THBS4: variants seen among roughly 807,000 people sequenced by gnomAD.
THBS4 encodes the protein thrombospondin-4.
THBS4 carries 90 observed loss-of-function variants against 115.7 expected under a neutral mutation model. That is an observed-to-expected ratio of 0.78 (90% CI 0.66 to 0.93). THBS4 has a LOEUF of 0.93. Among genes scored for constraint, THBS4 ranks in the 40% least tolerant of loss-of-function variants. THBS4 has a pLI of 0.00. For synonymous variants in THBS4, 460 were observed against 479.3 expected, an observed-to-expected ratio of 0.96 and a Z score of 0.53; for missense variants, 1,087 against 1,232.7, an observed-to-expected ratio of 0.88 and a Z score of 1.77.
Position 80,013,752 on chromosome 5 carries a change from C to T in THBS4, n.177+15325C>T, listed in dbSNP as rs970987748. ...AGAGTCTGTATCCCCTCTAAGACTT[C>T]ATCTCCTCGTTTGTAAAATAGAGAT... is the stretch of plus-strand genomic sequence containing the variant. On this transcript the variant is annotated intron_variant and non_coding_transcript_variant, in intron 2 of 3. Coordinates refer to the THBS4 transcript ENST00000510218. 7.2e-5 allele frequency among the ~76,000 whole-genome samples: 11 copies of T among 152,318 alleles called. No homozygotes were observed. The East Asian group carries it at 2.1e-3, about 29-fold the overall frequency.
rs1833904168 is a variant in THBS4, at chr5:80,068,144, TC to T, written c.1347+21del. 6.2e-7 allele frequency: 1 copy of T among 1,612,432 alleles called. No individual in the cohort carries two copies. Among genetic ancestry groups the T allele is most frequent in the East Asian group, 2.2e-5 (1 of 44,874 alleles). ...ATGTGTGGTAAGTTGTTTTTTGACT[TC>T]CTCTATCATTTTTCCTCTTCCATTT... On this transcript the variant is annotated intron_variant, in intron 10 of 21. Coordinates refer to ENST00000350881, the MANE Select transcript of THBS4 (RefSeq NM_003248.6).
At chr5:80,040,003 C>T (rs1832841484) in intron 1 of THBS4, 74 bp from the exon 2 acceptor site, 1 of 1,347,686 alleles carries the variant, frequency 7.4e-7, no homozygotes. Flanking sequence ...ATTGCACCCC[C>T]CCCAAACAAA....
intron 20 of THBS4, chr5:80,082,060 C>T (rs951760256): frequency 5.5e-5 from 12 of 217,852 alleles, no homozygotes; most frequent in Non-Finnish European, 9.9e-5. Flanking sequence ...AGACACAAAA[C>T]TTTCTCACTC....
Position 80,061,832 on chromosome 5 carries a change from G to C in THBS4, c.1125G>C (p.Gln375His), listed in dbSNP as rs1833649229. ...VGISFAKSNKQVCTDIDECRN... is the reference protein window; with the variant it reads ...VGISFAKSNKHVCTDIDECRN... The stretch of plus-strand genomic sequence containing the variant: ...TCAGTTTTGCCAAGTCAAACAAGCA[G>C]GTAGGCTGAAGTCATGGTTTCTATT... The change falls in exon 8 of 22, where the codon CAG becomes CAC. Residue 375 changes from glutamine to histidine, a missense_variant and splice_region_variant. By Grantham distance (24) the Gln-to-His change is conservative (BLOSUM62 0). This residue lies in a region of THBS4 where 979 missense variants were observed against 1,103.7 expected (regional missense o/e 0.89). Transcript: ENST00000350881. The C allele has an allele frequency of 1.9e-6, 3 of 1,605,202 alleles. No homozygotes were observed. Among genetic ancestry groups the C allele is most frequent in the Non-Finnish European group, 1.7e-6 (2 of 1,175,390 alleles).
At chr5:80,008,033 C>G (rs1042628728) in intron 2 of THBS4, among the ~76,000 whole-genome samples, 1 of 152,134 alleles carries the variant, frequency 6.6e-6, no homozygotes, top group African/African-American at 2.4e-5. Flanking sequence ...ACTTCTAGCA[C>G]AGCATAAAAG....
At chr5:80,007,426 C>G (rs894619758) in intron 2 of THBS4, among the ~76,000 whole-genome samples, 12 of 152,218 alleles carry the variant, frequency 7.9e-5, no homozygotes, top group African/African-American at 2.7e-4. Flanking sequence ...CACAGTGGTG[C>G]TTTGTGCAGG....
At chr5:80,058,685 T>C in intron 4 of THBS4, 23 bp from the exon 5 acceptor site, 1 of 1,612,460 alleles carries the variant, frequency 6.2e-7, no homozygotes, top group East Asian at 2.2e-5. Context: ...CTGAAAACTC[T>C]TTGCCTTTTG....
intron 2 of THBS4, among the ~76,000 whole-genome samples, chr5:80,044,639 G>A (rs1047409752): frequency 1.3e-5 from 2 of 151,960 alleles, no homozygotes; most frequent in African/African-American, 4.8e-5. Context: ...TGGCCAGGCT[G>A]GTCTCGAACT....
At position 80,061,807 on chromosome 5, in the gene THBS4, T is replaced by A; in HGVS notation, c.1100T>A (p.Ile367Asn). The A allele has an allele frequency of 6.2e-7, 1 of 1,612,138 alleles. No individual in the cohort carries two copies. The highest frequency in any genetic ancestry group is 8.5e-7 in the Non-Finnish European group (1 of 1,179,384). The change falls in exon 8 of 22, where the codon ATC becomes AAC. Residue 367 changes from isoleucine (I) to asparagine (N), a missense_variant. Ile to Asn is a moderately radical substitution (Grantham distance 149). This residue lies in a region of THBS4 where 979 missense variants were observed against 1,103.7 expected (regional missense o/e 0.89). Transcript: ENST00000350881. Reference sequence around the variant, plus strand: ...GGGCCCATGGTGCAGGGTGTTGGGATCAGTTTTGCCAAGTCAAACAAGCAG... The same window carrying A: ...GGGCCCATGGTGCAGGGTGTTGGGAACAGTTTTGCCAAGTCAAACAAGCAG... ...FTGPMVQGVG[I>N]SFAKSNKQVC... is the part of the protein sequence containing the mutation.
intron 7 of THBS4, 69 bp from the exon 8 acceptor site, chr5:80,061,626 A>C (rs879191866): frequency 2.0e-6 from 3 of 1,515,454 alleles, no homozygotes; most frequent in South Asian, 2.6e-5. Flanking sequence ...AGTATGTGCA[A>C]ATAGATGAAG....
intron 2 of THBS4, among the ~76,000 whole-genome samples, chr5:80,026,025 A>C (rs1832469786): frequency 6.6e-6 from 1 of 152,256 alleles, no homozygotes; most frequent in Admixed American, 6.5e-5. Context: ...ACTGACATGC[A>C]TGATAAAGCA....
At chr5:79,993,608 A>G (rs2151146547) in intron 1 of THBS4, among the ~76,000 whole-genome samples, 1 of 152,326 alleles carries the variant, frequency 6.6e-6, no homozygotes, top group Admixed American at 6.5e-5. Flanking sequence ...TTCCCCAAAA[A>G]AGAAATCTTA....
At chr5:80,044,570 G>T (rs194375) in intron 2 of THBS4, among the ~76,000 whole-genome samples, 1 of 151,758 alleles carries the variant, frequency 6.6e-6, no homozygotes, top group Middle Eastern at 3.4e-3. Context: ...CTACATGTGC[G>T]CACCACTACG....
chr5:80,012,632 G>T (rs903598057), intron 2 of THBS4, among the ~76,000 whole-genome samples: 2 of 152,048 alleles, frequency 1.3e-5, no homozygotes, highest in South Asian at 4.1e-4. Context: ...CCCCTCACAG[G>T]CCCACTCCAA....
At chr5:80,073,478 G>C (rs1264291192) in intron 15 of THBS4, 151 bp downstream of exon 15, 6 of 704,974 alleles carry the variant, frequency 8.5e-6, no homozygotes, top group Non-Finnish European at 1.4e-5. Context: ...CCGATTCCCA[G>C]GTTTATGCCA....
upstream of THBS4, chr5:80,033,233 C>T (rs139748751): frequency 6.9e-5 from 31 of 450,078 alleles, no homozygotes; most frequent in Middle Eastern, 8.4e-4. Context: ...AACACACGTC[C>T]AGACTCTGGG....
chr5:80,033,303 C>G (rs1832621375), upstream of THBS4: 1 of 286,174 alleles, frequency 3.5e-6, no homozygotes, highest in African/African-American at 2.3e-5. Flanking sequence ...TTGTCCTCAC[C>G]ATGGAGATTC....
In THBS4 at chr5:80,006,694, G is replaced by C. The variant is rs150842394; in HGVS notation, n.177+8267G>C. 3.2e-3 allele frequency among the ~76,000 whole-genome samples: 494 copies of C among 152,196 alleles called. 5 individuals are homozygous for C. The highest frequency in any genetic ancestry group is 0.011 in the African/African-American group (474 of 41,504). On this transcript the variant is annotated intron_variant and non_coding_transcript_variant, in intron 2 of 3. Transcript: ENST00000510218. ...CACAGGAGTTAAAATGTCTGAAGAGGGAATGGCCCAAAAAGGAGTCTCACT... is the reference window on the plus strand; with the variant it reads ...CACAGGAGTTAAAATGTCTGAAGAGCGAATGGCCCAAAAAGGAGTCTCACT...
chr5:79,997,365 G>GA (rs904263274), intron 1 of THBS4, among the ~76,000 whole-genome samples: 13 of 149,474 alleles, frequency 8.7e-5, no homozygotes, highest in Non-Finnish European at 1.5e-4. Context: ...CATTGATCAG[G>GA]AAAAAAAAAG....
Sources: allele counts gnomAD v4.1 joint callset (sites outside exome capture counted in the v4.1 genomes callset), GRCh38; gene constraint gnomAD v4.1.1; regional missense constraint gnomAD v4.1.1; transcripts MANE v1.5; gene names NCBI Gene and HGNC (gene_info 2026-07-23, HGNC 2026-07-21).